The following SLC38A1 variants were observed in gnomAD, a reference collection of about 807,000 sequenced individuals.
SLC38A1 encodes the protein sodium-coupled neutral amino acid symporter 1.
In SLC38A1, 18 loss-of-function variants were observed where a neutral mutation model predicts 60.3. That is an observed-to-expected ratio of 0.30 (90% CI 0.21 to 0.44). The LOEUF (loss-of-function observed/expected upper bound fraction) is 0.44, where lower values mean the gene tolerates loss of function less well. Among genes scored for constraint, SLC38A1 ranks in the 20% least tolerant of loss-of-function variants. The pLI is 1.00. For synonymous variants in SLC38A1, 196 were observed against 212.1 expected (o/e 0.92, Z 0.66); for missense variants, 448 against 587.2 (o/e 0.76, Z 2.45).
intron 5 of SLC38A1, among the ~76,000 whole-genome samples, chr12:46,219,449 C>G (rs1386947006): frequency 6.6e-6 from 1 of 152,146 alleles, no homozygotes; most frequent in East Asian, 1.9e-4. Flanking sequence ...TCTTACCTAG[C>G]CAGCCACACA....
chr12:46,208,641 G>A (rs2137245443), intron 6 of SLC38A1, among the ~76,000 whole-genome samples: 1 of 152,316 alleles, frequency 6.6e-6, no homozygotes, highest in Middle Eastern at 3.4e-3. Context: ...CATTGCCTCA[G>A]GAGTAACACT....
chr12:46,251,362 C>G (rs1179981993), intron 1 of SLC38A1, among the ~76,000 whole-genome samples: 1 of 152,106 alleles, frequency 6.6e-6, no homozygotes, highest in Non-Finnish European at 1.5e-5. Flanking sequence ...GATTAAAGAC[C>G]TAAGTGTTAG....
chr12:46,217,257 AC>A, intron 5 of SLC38A1, among the ~76,000 whole-genome samples: 1 of 152,174 alleles, frequency 6.6e-6, no homozygotes, highest in Non-Finnish European at 1.5e-5. Context: ...GAGCACTCAA[AC>A]CCTGGTAGTA....
intron 2 of SLC38A1, among the ~76,000 whole-genome samples, chr12:46,242,385 A>G (rs938534296): frequency 1.3e-5 from 2 of 152,208 alleles, no homozygotes; most frequent in African/African-American, 4.8e-5. Context: ...GGATTGAAAA[A>G]GCTTAAAAAA....
At chr12:46,207,710 C>T in intron 6 of SLC38A1, 89 bp from the exon 7 acceptor site, 3 of 1,262,542 alleles carry the variant, frequency 2.4e-6, no homozygotes, top group Non-Finnish European at 3.5e-6. Flanking sequence ...TTGACTGTTC[C>T]CCAAGTTACT....
intron 12 of SLC38A1, among the ~76,000 whole-genome samples, chr12:46,201,967 C>T (rs964971865): frequency 6.6e-6 from 1 of 151,170 alleles, no homozygotes; most frequent in Non-Finnish European, 1.5e-5. Context: ...CTGAGGCAGG[C>T]AGATCACCTG....
Position 46,209,997 on chromosome 12 carries a change from C to T in SLC38A1, c.315-870G>A, listed in dbSNP as rs1022166952. 6.6e-5 allele frequency among the ~76,000 whole-genome samples: 10 copies of T among 152,152 alleles called. No homozygotes were observed. In the South Asian group the frequency reaches 1.2e-3, roughly 19 times the overall value. On this transcript the variant is annotated intron_variant, in intron 5 of 16. Coordinates refer to ENST00000398637, the MANE Select transcript of SLC38A1 (RefSeq NM_030674.4). ...CACTTCCTGATGTGGGAAAATATAT[C>T]CCTAGAACAATACATAACTGCAATT...
chr12:46,191,819 A>C (rs1939158178), intron 16 of SLC38A1, among the ~76,000 whole-genome samples: 1 of 152,168 alleles, frequency 6.6e-6, no homozygotes, highest in Non-Finnish European at 1.5e-5. Flanking sequence ...CAGCTTAAGG[A>C]GATTTTGGGC....
At chr12:46,265,860 C>T (rs751852166) in intron 1 of SLC38A1, among the ~76,000 whole-genome samples, 20 of 152,108 alleles carry the variant, frequency 1.3e-4, no homozygotes, top group Non-Finnish European at 1.5e-4. Flanking sequence ...CTCCCACTGC[C>T]CCTAGGTTGT....
rs1463786168 is a variant in SLC38A1 at position 46,248,951 on chromosome 12, T to A, written c.-208-5637A>T. Reference sequence around the variant, plus strand: ...GCGGGCAGATCACGAGTTCAGGAGATCAAGACCATCCTGGCTAACACATTG... The same window carrying A: ...GCGGGCAGATCACGAGTTCAGGAGAACAAGACCATCCTGGCTAACACATTG... On this transcript the variant is annotated intron_variant, in intron 1 of 16. Transcript: ENST00000398637. Among the ~76,000 whole-genome samples the A allele has an allele frequency of 2.6e-5, 4 of 151,698 alleles. No homozygotes were observed. In the South Asian group the frequency reaches 6.3e-4, roughly 24 times the overall value.
At chr12:46,212,677 G>A (rs1592094113) in intron 5 of SLC38A1, among the ~76,000 whole-genome samples, 1 of 152,172 alleles carries the variant, frequency 6.6e-6, no homozygotes, top group Non-Finnish European at 1.5e-5. Flanking sequence ...AAGAAACTTA[G>A]AATTCTAGAC....
intron 12 of SLC38A1, 123 bp from the exon 13 acceptor site, chr12:46,201,321 A>C: frequency 1.3e-6 from 1 of 746,960 alleles, no homozygotes; most frequent in Non-Finnish European, 2.2e-6. Flanking sequence ...GAACAGCTGA[A>C]ATTACCCCTG....
chr12:46,193,974 T>C (rs1939258071), intron 16 of SLC38A1, among the ~76,000 whole-genome samples: 1 of 152,230 alleles, frequency 6.6e-6, no homozygotes, highest in African/African-American at 2.4e-5. Flanking sequence ...GATCCTGTCA[T>C]TATGATGTTA....
Position 46,211,116 on chromosome 12 carries a change from G to A in SLC38A1, c.315-1989C>T, listed in dbSNP as rs141253005. ...ATTTATGTCAAAGAAGCAAGCTTTC[G>A]GTTTCTTGCAGAGTTCACTTGTTTT... is the stretch of plus-strand genomic sequence containing the variant. On this transcript the variant is annotated intron_variant, in intron 5 of 16. Transcript: ENST00000398637. Among the ~76,000 whole-genome samples, 195 of 152,198 alleles carry A rather than the reference G, an allele frequency of 1.3e-3. 3 individuals are homozygous for A. The highest frequency in any genetic ancestry group is 4.6e-3 in the African/African-American group (189 of 41,520).
rs79112054 is a variant in SLC38A1 at position 46,221,072 on chromosome 12, G to A, written c.314+8081C>T. Among the ~76,000 whole-genome samples the A allele has an allele frequency of 1.3e-4, 20 of 152,190 alleles. No individual in the cohort carries two copies. The East Asian group carries it at 3.5e-3, about 26-fold the overall frequency. On this transcript the variant is annotated intron_variant, in intron 5 of 16. Coordinates refer to ENST00000398637, the MANE Select transcript of SLC38A1 (RefSeq NM_030674.4). ...GTTTACAGAGACCCTTATATTTTTC[G>A]ACTTATCCTTACTGGAAGGGGTACT...
At chr12:46,253,862 C>T (rs934648983) in intron 1 of SLC38A1, among the ~76,000 whole-genome samples, 8 of 152,152 alleles carry the variant, frequency 5.3e-5, no homozygotes, top group African/African-American at 1.7e-4. Context: ...GATGGTATTC[C>T]TACCTAACTA....
At chr12:46,195,160 T>C (rs2136920618) in intron 16 of SLC38A1, among the ~76,000 whole-genome samples, 1 of 152,328 alleles carries the variant, frequency 6.6e-6, no homozygotes, top group South Asian at 2.1e-4. Context: ...GCTATTGCTT[T>C]CTCTTTGTTA....
In SLC38A1 at chr12:46,249,635, TA is replaced by T. The variant is rs1237212701; in HGVS notation, c.-208-6322del. Among the ~76,000 whole-genome samples, 8 of 151,790 alleles carry T rather than the reference TA, an allele frequency of 5.3e-5. No individual in the cohort carries two copies. In the East Asian group the frequency reaches 1.2e-3, roughly 22 times the overall value. On this transcript the variant is annotated intron_variant, in intron 1 of 16. Transcript: ENST00000398637. ...AGAGAGAAGAATCAAATAGATGCAA[TA>T]AAAAATGATAAAGGGGATATCACCA... is the stretch of plus-strand genomic sequence containing the variant.
chr12:46,201,212 A>C lies in SLC38A1; in HGVS notation c.903-14T>G. ...TTCTGTGATCGGCTAAAAACAAATA[A>C]ATGTTAAAAATTAAAAATCATATGA... On this transcript the variant is annotated splice_polypyrimidine_tract_variant and intron_variant, in intron 12 of 16. Transcript: ENST00000398637. 1.3e-6 allele frequency: 2 copies of C among 1,592,692 alleles called. No individual in the cohort carries two copies. Among genetic ancestry groups the C allele is most frequent in the South Asian group, 2.2e-5 (2 of 89,388 alleles).
Sources: gnomAD v4.1 joint callset for allele counts (sites outside exome capture counted in the v4.1 genomes callset) on GRCh38, gnomAD v4.1.1 for gene constraint, MANE v1.5 for transcripts, NCBI Gene and HGNC (gene_info 2026-07-23, HGNC 2026-07-21) for gene names.